The following ZNF518A variants were observed in gnomAD, a reference collection of about 807,000 sequenced individuals.
ZNF518A encodes zinc finger protein 518.
In ZNF518A, 47 loss-of-function variants were observed where a neutral mutation model predicts 102.7. The ratio of observed to expected loss-of-function variants is 0.46; its 90% confidence interval spans 0.36 to 0.58. The LOEUF is 0.58. Ranked by LOEUF, ZNF518A falls within the 20% of genes least tolerant of loss-of-function variation. The pLI is 0.00. For missense variants in ZNF518A, 1,793 were observed against 1,699.8 expected (o/e 1.05, Z -0.96); for synonymous variants, 652 against 594.6 (o/e 1.10, Z -1.40).
At chr10:96,133,367 G>C (rs1412487268) in intron 2 of ZNF518A, among the ~76,000 whole-genome samples, 1 of 152,158 alleles carries the variant, frequency 6.6e-6, no homozygotes, top group African/African-American at 2.4e-5. Flanking sequence ...AATCAGGAAA[G>C]GGACTTGGGA....
Position 96,159,014 on chromosome 10 carries a change from C to T in ZNF518A, c.2692C>T (p.Gln898Ter), listed in dbSNP as rs2133813922. 2 of 1,613,682 alleles carry T rather than the reference C, an allele frequency of 1.2e-6. No individual in the cohort carries two copies. The highest frequency in any genetic ancestry group is 8.5e-7 in the Non-Finnish European group (1 of 1,179,734). ...GACTCAGTCAGATGCGATAATAACA[C>T]AGCAGCTTGTAAAAGACAAACTACG... is the stretch of plus-strand genomic sequence containing the variant. ...LKTQSDAIIT[Q>*]QLVKDKLRAT... Residue 898 changes from glutamine to a stop codon, truncating the protein, a stop_gained, in exon 6 of 6, where the codon CAG (glutamine) becomes TAG (stop). Transcript: ENST00000316045. LOFTEE classifies it high-confidence loss of function.
intron 1 of ZNF518A, among the ~76,000 whole-genome samples, chr10:96,198,958 C>G (rs587761540): frequency 1.3e-5 from 2 of 152,206 alleles, no homozygotes; most frequent in East Asian, 3.8e-4. Context: ...CTCGGCCCCC[C>G]AAAGTGCTAG....
At chr10:96,195,299 C>A (rs2083437859) in intron 1 of ZNF518A, among the ~76,000 whole-genome samples, 1 of 152,184 alleles carries the variant, frequency 6.6e-6, no homozygotes, top group African/African-American at 2.4e-5. Flanking sequence ...ATCCAGCAAT[C>A]CCACTTCTGG....
Position 96,160,746 on chromosome 10 carries a change from C to T in ZNF518A, c.4424C>T (p.Ala1475Val). Residue 1475 changes from alanine (A) to valine (V), a missense_variant, in exon 6 of 6, where the codon GCT becomes GTT. By Grantham distance (64) the Ala-to-Val change is moderately conservative (BLOSUM62 0). Around this residue, in one of 3 missense-constraint regions of ZNF518A, gnomAD observed 22 missense variants for 16.0 expected, o/e 1.37. Coordinates refer to ENST00000316045, the MANE Select transcript of ZNF518A (RefSeq NM_001330736.2). ...AGHGQRHLME[A>V]TRDWNMLE Reference sequence around the variant, plus strand: ...CATGGGCAGAGACATTTAATGGAAGCTACTCGGGATTGGAACATGTTAGAA... The same window carrying T: ...CATGGGCAGAGACATTTAATGGAAGTTACTCGGGATTGGAACATGTTAGAA... 3 of 1,596,954 alleles carry T rather than the reference C, an allele frequency of 1.9e-6. No individual in the cohort carries two copies. The highest frequency in any genetic ancestry group is 2.6e-6 in the Non-Finnish European group (3 of 1,174,050).
chr10:96,193,021 A>G (rs1350533815), intron 1 of ZNF518A, among the ~76,000 whole-genome samples: 1 of 152,220 alleles, frequency 6.6e-6, no homozygotes, highest in Non-Finnish European at 1.5e-5. Flanking sequence ...ACTTCCAAGT[A>G]GCTACATATT....
At chr10:96,178,947 C>A (rs2083222203) in intron 1 of ZNF518A, among the ~76,000 whole-genome samples, 2 of 152,046 alleles carry the variant, frequency 1.3e-5, no homozygotes, top group Non-Finnish European at 2.9e-5. Flanking sequence ...AGCTCCAGCC[C>A]AGATGGCTTC....
intron 1 of ZNF518A, chr10:96,201,089 A>G (rs782530378): frequency 4.4e-6 from 7 of 1,578,008 alleles, no homozygotes; most frequent in Non-Finnish European, 5.2e-6. Context: ...CCTTCAATTA[A>G]TCTTCATATT....
chr10:96,140,733 CCAA>C (rs1416970266), intron 3 of ZNF518A, among the ~76,000 whole-genome samples: 1 of 150,714 alleles, frequency 6.6e-6, no homozygotes, highest in African/African-American at 2.4e-5. Context: ...GAGGTCAAGA[CCAA>C]CCTGGGCAAC....
chr10:96,156,972 A>G lies in ZNF518A; in HGVS notation c.650A>G (p.Gln217Arg). Residue 217 changes from glutamine (Q) to arginine (R), a missense_variant, in exon 6 of 6, where the codon CAG (glutamine) becomes CGG (arginine). Gln to Arg is a conservative substitution (Grantham distance 43). Transcript: ENST00000316045. The part of the protein sequence containing the change: ...FQCEKCKFST[Q>R]DVGTFVQHIH... ...TGTGAAAAGTGTAAGTTCTCCACCC[A>G]GGATGTTGGCACATTTGTTCAGCAC... The G allele has an allele frequency of 1.9e-6, 3 of 1,613,936 alleles. No individual in the cohort carries two copies. Among genetic ancestry groups the G allele is most frequent in the Non-Finnish European group, 2.5e-6 (3 of 1,179,816 alleles).
chr10:96,180,641 A>G (rs1246090490), intron 1 of ZNF518A, among the ~76,000 whole-genome samples: 1 of 152,118 alleles, frequency 6.6e-6, no homozygotes, highest in Non-Finnish European at 1.5e-5. Flanking sequence ...GATGGTTTCC[A>G]TCTTCATCCA....
rs1554887998 is a variant in ZNF518A, at chr10:96,161,467, A to G, written c.*693A>G. ...GTGACTGTGTCAAATGTTGCAGTAG[A>G]TGGGCAGCTTCAAGAGAAGAATTTA... On this transcript the variant is annotated 3_prime_UTR_variant, in exon 6 of 6. Coordinates refer to ENST00000316045, the MANE Select transcript of ZNF518A (RefSeq NM_001330736.2). 2 of 166,804 alleles carry G rather than the reference A, an allele frequency of 1.2e-5. No individual in the cohort carries two copies. 10.3% of individuals were successfully genotyped at this position (166,804 alleles called of 1,614,324 possible).
chr10:96,154,954 G>A (rs1384420208), intron 3 of ZNF518A, among the ~76,000 whole-genome samples: 1 of 152,112 alleles, frequency 6.6e-6, no homozygotes, highest in Non-Finnish European at 1.5e-5. Flanking sequence ...TAGATTAATT[G>A]AAGTTTAAAG....
chr10:96,160,617 A>G lies in ZNF518A; in HGVS notation c.4295A>G (p.Asn1432Ser). ...TTAACACTCAAAAAGACAAGCAAAA[A>G]CAATTACCAGATTGTGAAGACTACC... ...LKLTLKKTSK[N>S]NYQIVKTTSE... The change falls in exon 6 of 6, where the codon AAC becomes AGC. Residue 1432 changes from asparagine to serine, a missense_variant. Coordinates refer to ENST00000316045, the MANE Select transcript of ZNF518A (RefSeq NM_001330736.2). 6.2e-7 allele frequency: 1 copy of G among 1,612,846 alleles called. No homozygotes were observed. Among genetic ancestry groups the G allele is most frequent in the Non-Finnish European group, 8.5e-7 (1 of 1,179,416 alleles).
At position 96,158,299 on chromosome 10, in the gene ZNF518A, G is replaced by A. The variant is rs2082806430; in HGVS notation, c.1977G>A (p.Val659=). The part of the protein sequence containing the change: ...NKRRRFSGTA[V]YENPQRESSS... ...GTCGTAGGTTTTCAGGAACAGCAGT[G>A]TATGAAAACCCTCAAAGAGAATCTT... The change falls in exon 6 of 6, where the codon GTG becomes GTA. Residue 659 remains valine, a synonymous_variant. Coordinates refer to ENST00000316045, the MANE Select transcript of ZNF518A (RefSeq NM_001330736.2). 2 of 1,613,544 alleles carry A rather than the reference G, an allele frequency of 1.2e-6. No individual in the cohort carries two copies. Among genetic ancestry groups the A allele is most frequent in the Non-Finnish European group, 1.7e-6 (2 of 1,179,730 alleles).
In ZNF518A at chr10:96,136,305, A is replaced by T. The variant is rs587659621; in HGVS notation, c.-302+2657A>T. On this transcript the variant is annotated intron_variant, in intron 3 of 5. Coordinates refer to ENST00000316045, the MANE Select transcript of ZNF518A (RefSeq NM_001330736.2). Reference sequence around the variant, plus strand: ...TATTCATCTGTCTTGAAGATTTTTTAAAAATAGCAATTAACTTGGAATGCC... The same window carrying T: ...TATTCATCTGTCTTGAAGATTTTTTTAAAATAGCAATTAACTTGGAATGCC... Among the ~76,000 whole-genome samples, 99 of 151,734 alleles carry T rather than the reference A, an allele frequency of 6.5e-4. 2 individuals carry two copies. The South Asian group carries it at 8.4e-3, about 13-fold the overall frequency.
At chr10:96,190,083 C>A in intron 1 of ZNF518A, 1 of 872,418 alleles carries the variant, frequency 1.1e-6, no homozygotes, top group Non-Finnish European at 1.9e-6. Flanking sequence ...CTAAACTGAC[C>A]GTTCTTAAGG....
intron 2 of ZNF518A, chr10:96,203,813 G>A (rs1011793712): frequency 1.7e-5 from 6 of 353,672 alleles, no homozygotes; most frequent in Middle Eastern, 1.6e-3. Context: ...AAGGATGCAT[G>A]ATCAGTAAAA....
chr10:96,188,636 A>C (rs2083286594), intron 1 of ZNF518A, among the ~76,000 whole-genome samples: 1 of 152,294 alleles, frequency 6.6e-6, no homozygotes, highest in East Asian at 1.9e-4. Flanking sequence ...AAATTACCCC[A>C]GTTTCCCAGT....
intron 3 of ZNF518A, chr10:96,135,376 G>A (rs587762939): frequency 3.3e-5 from 5 of 152,306 alleles, no homozygotes; most frequent in African/African-American, 1.2e-4. Flanking sequence ...GTGTAAATTG[G>A]TTTGAATTGG....
Sources: allele counts gnomAD v4.1 joint callset (sites outside exome capture counted in the v4.1 genomes callset), GRCh38; gene constraint gnomAD v4.1.1; regional missense constraint gnomAD v4.1.1; transcripts MANE v1.5; gene names NCBI Gene and HGNC (gene_info 2026-07-23, HGNC 2026-07-21).